Variants in CADM2 observed in about 807,000 individuals in gnomAD.
CADM2 encodes the protein cell adhesion molecule 2, also known as immunoglobulin superfamily member 4D.
CADM2 carries 12 observed loss-of-function variants against 49.8 expected under a neutral mutation model. The ratio of observed to expected loss-of-function variants is 0.24; its 90% CI spans 0.15 to 0.39. The LOEUF (loss-of-function observed/expected upper bound fraction) is 0.39, where lower values mean the gene tolerates loss of function less well. Ranked by LOEUF, CADM2 falls within the 10% of genes least tolerant of loss-of-function variation. The pLI is 1.00. For synonymous variants in CADM2, 214 were observed against 175.4 expected, an observed-to-expected ratio of 1.22 and a Z score of -1.74; for missense variants, 378 against 492.3, an observed-to-expected ratio of 0.77 and a Z score of 2.20.
chr3:85,709,818 A>T lies in CADM2; in HGVS notation c.62-16704A>T, dbSNP rs1434897535. Among the ~76,000 whole-genome samples, 4 of 152,292 alleles carry T rather than the reference A, an allele frequency of 2.6e-5. No homozygotes were observed. In the Middle Eastern group the frequency reaches 0.01, roughly 389 times the overall value. ...ACTGGCATCTGCAGTCCCATGAATTATTTAATTCACATTATTCATAAATCT... is the reference window on the plus strand; with the variant it reads ...ACTGGCATCTGCAGTCCCATGAATTTTTTAATTCACATTATTCATAAATCT... On this transcript the variant is annotated intron_variant, in intron 1 of 9. Coordinates refer to ENST00000383699, the MANE Select transcript of CADM2 (RefSeq NM_001167675.2).
intron 1 of CADM2, among the ~76,000 whole-genome samples, chr3:85,365,470 T>C (rs1429111089): frequency 6.6e-6 from 1 of 152,168 alleles, no homozygotes; most frequent in Non-Finnish European, 1.5e-5. Context: ...ATTCAATTTA[T>C]TTTATTTCTG....
intron 1 of CADM2, among the ~76,000 whole-genome samples, chr3:85,222,588 G>T (rs1477591481): frequency 1.3e-5 from 2 of 152,060 alleles, no homozygotes; most frequent in Admixed American, 1.3e-4. Flanking sequence ...TGTAACATGT[G>T]TAATCCAATC....
At position 85,369,857 on chromosome 3, in the gene CADM2, TA is replaced by T. The variant is rs771068436; in HGVS notation, c.62-356662del. ...AAAAATTGATGCCACACAGCAGTCC[TA>T]AAGAAAATTACCACTGAAACCCTCC... On this transcript the variant is annotated intron_variant, in intron 1 of 9. Coordinates refer to ENST00000383699, the MANE Select transcript of CADM2 (RefSeq NM_001167675.2). Among the ~76,000 whole-genome samples the T allele has an allele frequency of 1.4e-4, 21 of 152,188 alleles. No individual in the cohort carries two copies. The East Asian group carries it at 2.9e-3, about 21-fold the overall frequency.
At chr3:85,992,634 T>A (rs1302536278) in intron 8 of CADM2, 1 of 152,184 alleles carries the variant, frequency 6.6e-6, no homozygotes, top group African/African-American at 2.4e-5. Context: ...AAAAGTTAAC[T>A]ATCCCATAGT....
chr3:85,842,225 G>C (rs1404881303), intron 3 of CADM2, among the ~76,000 whole-genome samples: 1 of 152,026 alleles, frequency 6.6e-6, no homozygotes, highest in East Asian at 1.9e-4. Flanking sequence ...CCACACTGCT[G>C]GTCTAATGAC....
At chr3:85,181,940 A>G (rs995570237) in intron 1 of CADM2, among the ~76,000 whole-genome samples, 1 of 149,292 alleles carries the variant, frequency 6.7e-6, no homozygotes, top group Non-Finnish European at 1.5e-5. Context: ...GAAAGAAGAT[A>G]TATATTCTTT....
chr3:85,740,364 A>G (rs1250379822), intron 2 of CADM2, among the ~76,000 whole-genome samples: 1 of 151,848 alleles, frequency 6.6e-6, no homozygotes, highest in African/African-American at 2.4e-5. Flanking sequence ...AAGATAATGA[A>G]CTCTTCCTGG....
At chr3:85,170,271 G>A (rs2040586484) in intron 1 of CADM2, among the ~76,000 whole-genome samples, 1 of 152,032 alleles carries the variant, frequency 6.6e-6, no homozygotes, top group South Asian at 2.1e-4. Flanking sequence ...CAGAAAAGTA[G>A]ATGTCTTTTA....
chr3:85,729,217 C>G (rs1442049996), intron 2 of CADM2, among the ~76,000 whole-genome samples: 1 of 152,100 alleles, frequency 6.6e-6, no homozygotes, highest in Non-Finnish European at 1.5e-5. Context: ...CTCTTTGCCT[C>G]TTTCTTTCTC....
At chr3:85,932,917 C>T (rs563137846) in intron 6 of CADM2, among the ~76,000 whole-genome samples, 1 of 152,154 alleles carries the variant, frequency 6.6e-6, no homozygotes, top group African/African-American at 2.4e-5. Flanking sequence ...AGTATATTAT[C>T]TGCTTTGGCG....
At chr3:85,236,830 G>A (rs1576183948) in intron 1 of CADM2, among the ~76,000 whole-genome samples, 1 of 151,992 alleles carries the variant, frequency 6.6e-6, no homozygotes, top group Admixed American at 6.6e-5. Flanking sequence ...AGAGAGAAAT[G>A]CTTAGCAGGA....
At chr3:85,168,223 T>A (rs115845241) in intron 1 of CADM2, among the ~76,000 whole-genome samples, 164 of 152,094 alleles carry the variant, frequency 1.1e-3, no homozygotes, top group African/African-American at 3.8e-3. Context: ...GCCTAGCTCA[T>A]TTTGTGCTGT....
intron 1 of CADM2, among the ~76,000 whole-genome samples, chr3:85,210,177 T>G (rs181354873): frequency 6.6e-6 from 1 of 152,328 alleles, no homozygotes; most frequent in East Asian, 1.9e-4. Context: ...CTTAAGAGTT[T>G]TTATCATGAA....
At chr3:85,392,953 C>G (rs556407093) in intron 1 of CADM2, among the ~76,000 whole-genome samples, 2 of 151,896 alleles carry the variant, frequency 1.3e-5, no homozygotes, top group East Asian at 3.9e-4. Context: ...AACAATGATT[C>G]CTTGCCCTAT....
chr3:85,492,462 C>G (rs1384971888), intron 1 of CADM2, among the ~76,000 whole-genome samples: 3 of 151,890 alleles, frequency 2.0e-5, no homozygotes, highest in African/African-American at 7.3e-5. Context: ...CATGATAGTG[C>G]GTGCCTGTAG....
intron 3 of CADM2, among the ~76,000 whole-genome samples, chr3:85,870,347 C>T (rs1407758370): frequency 6.6e-6 from 1 of 151,670 alleles, no homozygotes; most frequent in African/African-American, 2.4e-5. Context: ...AATTATTTTG[C>T]CACCAAAGTC....
intron 1 of CADM2, among the ~76,000 whole-genome samples, chr3:85,365,255 G>T: frequency 7.3e-6 from 1 of 136,250 alleles, no homozygotes; most frequent in Admixed American, 8.1e-5. Flanking sequence ...GAGATGATGA[G>T]GCACATTAAA....
intron 8 of CADM2, among the ~76,000 whole-genome samples, chr3:85,971,518 T>G (rs1225493928): frequency 5.3e-5 from 8 of 151,672 alleles, no homozygotes; most frequent in African/African-American, 1.7e-4. Flanking sequence ...ACAGTTCTCC[T>G]TGTGTTTATT....
At chr3:85,644,985 T>A (rs1390851639) in intron 1 of CADM2, among the ~76,000 whole-genome samples, 1 of 152,100 alleles carries the variant, frequency 6.6e-6, no homozygotes, top group Non-Finnish European at 1.5e-5. Flanking sequence ...CCTAATGAAG[T>A]ATGTTTTTTT....
Sources: allele counts gnomAD v4.1 joint callset (sites outside exome capture counted in the v4.1 genomes callset), GRCh38; gene constraint gnomAD v4.1.1; transcripts MANE v1.5; gene names NCBI Gene and HGNC (gene_info 2026-07-23, HGNC 2026-07-21).